Variants in CDKAL1 observed in about 807,000 individuals in gnomAD.
CDKAL1 encodes CDKAL1 threonylcarbamoyladenosine tRNA methylthiotransferase.
In CDKAL1, 32 loss-of-function variants were observed where a neutral mutation model predicts 68.2. That is an observed-to-expected ratio of 0.47 (90% CI 0.35 to 0.63). The LOEUF (loss-of-function observed/expected upper bound fraction) is 0.63. CDKAL1 is among the 30% of genes least tolerant of loss of function. The probability of loss-of-function intolerance (pLI) is 0.00; values close to 1 mark genes in which losing one functional copy is unlikely to be tolerated. For synonymous variants in CDKAL1, 234 were observed against 244.3 expected (o/e 0.96, Z 0.39); for missense variants, 606 against 696.7 (o/e 0.87, Z 1.47).
At chr6:20,861,593 A>G (rs1759632657) in intron 9 of CDKAL1, among the ~76,000 whole-genome samples, 1 of 152,212 alleles carries the variant, frequency 6.6e-6, no homozygotes, top group Non-Finnish European at 1.5e-5. Context: ...AATCCTTGGT[A>G]GACTATTACT....
At chr6:20,780,670 C>CTTTTT (rs1223553462) in intron 7 of CDKAL1, among the ~76,000 whole-genome samples, 10 of 38,196 alleles carry the variant, frequency 2.6e-4, no homozygotes, top group African/African-American at 6.9e-4. Flanking sequence ...ATTTCTTTTT[C>CTTTTT]TTTTTTTTTT....
intron 5 of CDKAL1, among the ~76,000 whole-genome samples, chr6:20,662,664 G>C (rs926394822): frequency 6.6e-6 from 1 of 152,066 alleles, no homozygotes; most frequent in Non-Finnish European, 1.5e-5. Flanking sequence ...CTGTATCCCA[G>C]CATCTTATAC....
At chr6:21,002,051 G>T (rs1767451607) in intron 11 of CDKAL1, among the ~76,000 whole-genome samples, 1 of 152,146 alleles carries the variant, frequency 6.6e-6, no homozygotes, top group Non-Finnish European at 1.5e-5. Flanking sequence ...GAATTACTGT[G>T]GCTACTTAAA....
At chr6:21,091,273 G>A (rs1042788433) in intron 12 of CDKAL1, among the ~76,000 whole-genome samples, 2 of 152,170 alleles carry the variant, frequency 1.3e-5, no homozygotes, top group Non-Finnish European at 2.9e-5. Flanking sequence ...TGTGACAGCT[G>A]GGGAGCAGCT....
intron 5 of CDKAL1, among the ~76,000 whole-genome samples, chr6:20,732,447 T>A (rs1292365646): frequency 6.6e-6 from 1 of 150,676 alleles, no homozygotes; most frequent in Non-Finnish European, 1.5e-5. Context: ...GGCTATTTTT[T>A]TTTTTTTTTT....
chr6:20,580,648 G>T (rs1324811360), intron 4 of CDKAL1, among the ~76,000 whole-genome samples: 1 of 151,938 alleles, frequency 6.6e-6, no homozygotes, highest in East Asian at 1.9e-4. Context: ...CCCTCTCCAG[G>T]TTATAAGTAA....
At chr6:20,550,670 A>C (rs531607505) in intron 4 of CDKAL1, among the ~76,000 whole-genome samples, 2 of 152,054 alleles carry the variant, frequency 1.3e-5, no homozygotes, top group Non-Finnish European at 2.9e-5. Context: ...TTATGTATGA[A>C]TAGTAACCCA....
intron 11 of CDKAL1, among the ~76,000 whole-genome samples, chr6:21,023,213 A>G (rs1768778271): frequency 6.6e-6 from 1 of 152,158 alleles, no homozygotes; most frequent in African/African-American, 2.4e-5. Context: ...TGCAAATGGA[A>G]ACATGTTACC....
intron 13 of CDKAL1, among the ~76,000 whole-genome samples, chr6:21,184,610 A>C (rs1777930953): frequency 6.6e-6 from 1 of 152,052 alleles, no homozygotes; most frequent in Non-Finnish European, 1.5e-5. Flanking sequence ...CATAGCATTA[A>C]AATATCTCAC....
At chr6:21,223,068 T>C (rs1356976068) in intron 15 of CDKAL1, among the ~76,000 whole-genome samples, 2 of 152,164 alleles carry the variant, frequency 1.3e-5, no homozygotes, top group African/African-American at 2.4e-5. Flanking sequence ...GGCTGACTTT[T>C]CTGGAATGGC....
At chr6:21,084,727 G>A (rs776742004) in intron 12 of CDKAL1, among the ~76,000 whole-genome samples, 6 of 152,128 alleles carry the variant, frequency 3.9e-5, no homozygotes, top group Non-Finnish European at 7.4e-5. Context: ...ATATAAAGAG[G>A]TGGAAGAAAA....
chr6:20,643,658 A>G (rs1417432038), intron 4 of CDKAL1, among the ~76,000 whole-genome samples: 1 of 152,172 alleles, frequency 6.6e-6, no homozygotes, highest in Non-Finnish European at 1.5e-5. Context: ...GTGTTATTTC[A>G]TAAATAAGGC....
At chr6:20,849,399 C>G (rs974974675) in intron 9 of CDKAL1, among the ~76,000 whole-genome samples, 1 of 151,882 alleles carries the variant, frequency 6.6e-6, no homozygotes, top group Non-Finnish European at 1.5e-5. Context: ...CTAACTAACA[C>G]AGTAAAACCC....
chr6:20,836,685 A>G (rs540940335), intron 8 of CDKAL1, among the ~76,000 whole-genome samples: 2 of 152,140 alleles, frequency 1.3e-5, no homozygotes, highest in Non-Finnish European at 2.9e-5. Context: ...TTATAAAGGA[A>G]TATACATTCC....
At chr6:20,940,400 A>T (rs963726017) in intron 9 of CDKAL1, among the ~76,000 whole-genome samples, 4 of 152,178 alleles carry the variant, frequency 2.6e-5, no homozygotes, top group African/African-American at 9.7e-5. Flanking sequence ...ATACCTTATA[A>T]CAGTGCTGCC....
Position 20,607,096 on chromosome 6 carries a change from G to A in CDKAL1, c.287-42197G>A, listed in dbSNP as rs1766365448. ...AGTATTAACACCTCATCACACACAT[G>A]GGCTGCTTTTTCTGAAGGTAGTAGG... On this transcript the variant is annotated intron_variant, in intron 4 of 15. Transcript: ENST00000274695. Among the ~76,000 whole-genome samples, 2 of 152,162 alleles carry A rather than the reference G, an allele frequency of 1.3e-5. 1 individual carries two copies. The highest frequency in any genetic ancestry group is 4.1e-4 in the South Asian group (2 of 4,832).
In CDKAL1 at chr6:20,790,815, T is replaced by A. The variant is rs542414427; in HGVS notation, c.638+9550T>A. Reference sequence around the variant, plus strand: ...TGTAGTTGGGTGGTTTCTCTCTCTCTGTGTGTCTGGGTCTGGGGCTTTTTA... The same window carrying A: ...TGTAGTTGGGTGGTTTCTCTCTCTCAGTGTGTCTGGGTCTGGGGCTTTTTA... On this transcript the variant is annotated intron_variant, in intron 8 of 15. Transcript: ENST00000274695. Among the ~76,000 whole-genome samples the A allele has an allele frequency of 2.6e-5, 4 of 152,270 alleles. No individual in the cohort carries two copies. In the East Asian group the frequency reaches 7.7e-4, roughly 29 times the overall value.
At chr6:20,847,799 G>A (rs991726205) in intron 9 of CDKAL1, among the ~76,000 whole-genome samples, 5 of 152,192 alleles carry the variant, frequency 3.3e-5, no homozygotes, top group African/African-American at 1.2e-4. Flanking sequence ...GGTTCTTTGC[G>A]TTTTAAACAA....
chr6:21,161,959 A>C (rs1776947126), intron 13 of CDKAL1, among the ~76,000 whole-genome samples: 1 of 152,174 alleles, frequency 6.6e-6, no homozygotes. Context: ...TTAATTCAGC[A>C]CTTGAATGCA....
Sources: gnomAD v4.1 joint callset for allele counts (sites outside exome capture counted in the v4.1 genomes callset) on GRCh38, gnomAD v4.1.1 for gene constraint, MANE v1.5 for transcripts, NCBI Gene and HGNC (gene_info 2026-07-23, HGNC 2026-07-21) for gene names.